The following DPM1 variants were observed in gnomAD, a reference collection of about 807,000 sequenced individuals.
DPM1 encodes dolichyl-phosphate mannosyltransferase subunit 1, catalytic.
A neutral mutation model predicts 39.0 loss-of-function variants in DPM1; 27 were observed. That is an observed-to-expected ratio of 0.69 (90% CI 0.51 to 0.95). DPM1 has a LOEUF of 0.95. Ranked by LOEUF, DPM1 falls within the 40% of genes least tolerant of loss-of-function variation. DPM1 has a pLI of 0.00. For synonymous variants in DPM1, 124 were observed against 109.0 expected (o/e 1.14, Z -0.86); for missense variants, 307 against 315.6 (o/e 0.97, Z 0.21).
intron 6 of DPM1, among the ~76,000 whole-genome samples, chr20:50,941,360 C>CATATATTCATATTATATATATTCAT (rs1985788849): frequency 8.6e-6 from 1 of 116,028 alleles, no homozygotes; most frequent in African/African-American, 4.2e-5. Flanking sequence ...TATTCATATA[C>CATATATTCATATTATATATATTCAT]ATATATATTC....
intron 2 of DPM1, among the ~76,000 whole-genome samples, chr20:50,951,400 T>C (rs979312037): frequency 1.3e-5 from 2 of 152,212 alleles, no homozygotes; most frequent in African/African-American, 4.8e-5. Context: ...CACTACCTAG[T>C]TCTGCAAATG....
Position 50,941,632 on chromosome 20 carries a change from C to T in DPM1, c.494+399G>A, listed in dbSNP as rs184265109. On this transcript the variant is annotated intron_variant, in intron 6 of 8. Transcript: ENST00000371588. ...CTGAGACAGGAGAATTGCTTGAGCCCGGGAGGCAGAGGTTGCAGTGAGTTA... is the reference window on the plus strand; with the variant it reads ...CTGAGACAGGAGAATTGCTTGAGCCTGGGAGGCAGAGGTTGCAGTGAGTTA... 4.6e-5 allele frequency among the ~76,000 whole-genome samples: 7 copies of T among 151,850 alleles called. No homozygotes were observed. The East Asian group carries it at 5.8e-4, about 13-fold the overall frequency.
chr20:50,948,569 C>T, intron 3 of DPM1, 60 bp downstream of exon 3: 1 of 1,524,606 alleles, frequency 6.6e-7, no homozygotes, highest in Non-Finnish European at 9.1e-7. Context: ...GGAAAATACA[C>T]ACTGGATCAT....
chr20:50,947,958 C>T (rs1986381379), intron 3 of DPM1, among the ~76,000 whole-genome samples: 1 of 152,168 alleles, frequency 6.6e-6, no homozygotes, highest in African/African-American at 2.4e-5. Flanking sequence ...AAACTTGTAA[C>T]TTAAAGGATG....
intron 2 of DPM1, among the ~76,000 whole-genome samples, chr20:50,952,654 T>C (rs1986638368): frequency 6.6e-6 from 1 of 152,240 alleles, no homozygotes; most frequent in South Asian, 2.1e-4. Context: ...TTTGGTCTTA[T>C]GAATTATCTG....
intron 2 of DPM1, among the ~76,000 whole-genome samples, chr20:50,949,937 G>A (rs1340967844): frequency 6.6e-6 from 1 of 152,132 alleles, no homozygotes; most frequent in Non-Finnish European, 1.5e-5. Context: ...GGTCTTTGGA[G>A]AATTTAATCC....
chr20:50,941,179 C>G (rs1985698224), intron 6 of DPM1: 1 of 411,478 alleles, frequency 2.4e-6, no homozygotes, highest in Non-Finnish European at 4.2e-6. Flanking sequence ...CCAGGAGTGA[C>G]CAGCCTGGGC....
chr20:50,934,908 A>ATAT lies in DPM1; in HGVS notation c.*223_*224insATA. On this transcript the variant is annotated 3_prime_UTR_variant, in exon 9 of 9. Coordinates refer to ENST00000371588, the MANE Select transcript of DPM1 (RefSeq NM_003859.3). ...AAATATACATTTATTTATAGGTCTC[A>ATAT]ATACAGCAAAATGAAAACGAAAATT... 1 of 437,614 alleles carries ATAT rather than the reference A, an allele frequency of 2.3e-6. No individual in the cohort carries two copies. Among genetic ancestry groups the ATAT allele is most frequent in the South Asian group, 3.0e-5 (1 of 33,674 alleles). 27.1% of individuals were successfully genotyped at this position (437,614 alleles called of 1,614,324 possible). A position where few individuals can be genotyped will look rare whatever the true frequency, so the allele number is the denominator to read the frequency against.
At chr20:50,953,077 A>G (rs1380496413) in intron 2 of DPM1, among the ~76,000 whole-genome samples, 1 of 152,260 alleles carries the variant, frequency 6.6e-6, no homozygotes, top group African/African-American at 2.4e-5. Flanking sequence ...GGAAGAAAAT[A>G]TGACAAAATA....
chr20:50,954,915 T>C (rs1283204297), intron 2 of DPM1, among the ~76,000 whole-genome samples: 11 of 152,230 alleles, frequency 7.2e-5, no homozygotes, highest in Admixed American at 7.2e-4. Flanking sequence ...GCTTTAATTT[T>C]TGCCCTTCAA....
chr20:50,940,839 A>G, intron 7 of DPM1, 26 bp downstream of exon 7: 4 of 1,551,868 alleles, frequency 2.6e-6, no homozygotes, highest in Admixed American at 1.7e-5. Flanking sequence ...GAAGTTATAT[A>G]AAAGTAGTGG....
chr20:50,948,710 T>C (rs1401833462), intron 2 of DPM1, 48 bp from the exon 3 acceptor site: 18 of 1,546,606 alleles, frequency 1.2e-5, no homozygotes, highest in Non-Finnish European at 1.4e-5. Flanking sequence ...AGAAATCTTA[T>C]CATGTTAAAT....
chr20:50,944,074 C>T (rs936350919), intron 5 of DPM1, among the ~76,000 whole-genome samples: 6 of 152,176 alleles, frequency 3.9e-5, no homozygotes, highest in African/African-American at 1.4e-4. Context: ...CACATATTTT[C>T]CCAAATTTGA....
intron 2 of DPM1, among the ~76,000 whole-genome samples, chr20:50,953,245 T>G (rs1486779077): frequency 1.3e-5 from 2 of 152,204 alleles, no homozygotes; most frequent in Admixed American, 6.5e-5. Context: ...CCCCAATTTC[T>G]CTATGGTCCT....
chr20:50,941,897 T>A, intron 6 of DPM1, 134 bp downstream of exon 6: 1 of 765,476 alleles, frequency 1.3e-6, no homozygotes, highest in Non-Finnish European at 2.3e-6. Context: ...TGTAAGAAAC[T>A]ATCTGGGAGT....
chr20:50,937,821 A>G (rs1466025427), intron 7 of DPM1, among the ~76,000 whole-genome samples: 1 of 141,920 alleles, frequency 7.0e-6, no homozygotes, highest in East Asian at 2.0e-4. Flanking sequence ...TTTTAAAGTT[A>G]TTATTATTAT....
rs1050370119 is a variant in DPM1, at chr20:50,948,521, C to T, written c.295+108G>A. 3 of 1,046,284 alleles carry T rather than the reference C, an allele frequency of 2.9e-6. No homozygotes were observed. In the African/African-American group the frequency reaches 4.7e-5, roughly 16 times the overall value. The allele number at this position is 1,046,284 out of a possible 1,614,324, so 64.8% of individuals were successfully genotyped here. A position where few individuals can be genotyped will look rare whatever the true frequency, so the allele number is the denominator to read the frequency against. ...TGTCATTAAGATCATTAAAAACCAT[C>T]ATAGGAAGTTACTGTATTTTGGCCC... On this transcript the variant is annotated intron_variant, in intron 3 of 8. Coordinates refer to ENST00000371588, the MANE Select transcript of DPM1 (RefSeq NM_003859.3).
At chr20:50,956,664 T>C (rs1162453376) in intron 1 of DPM1, among the ~76,000 whole-genome samples, 1 of 152,262 alleles carries the variant, frequency 6.6e-6, no homozygotes, top group Non-Finnish European at 1.5e-5. Context: ...CCCTGTGTTA[T>C]CTATTCTCCA....
intron 1 of DPM1, among the ~76,000 whole-genome samples, chr20:50,958,118 A>G (rs1332905705): frequency 2.0e-5 from 3 of 152,172 alleles, no homozygotes; most frequent in African/African-American, 7.2e-5. Flanking sequence ...GGGGGACGGG[A>G]GTACTACATA....
Sources: gnomAD v4.1 joint callset for allele counts (sites outside exome capture counted in the v4.1 genomes callset) on GRCh38, gnomAD v4.1.1 for gene constraint, MANE v1.5 for transcripts, NCBI Gene and HGNC (gene_info 2026-07-23, HGNC 2026-07-21) for gene names.